CEP89: variants seen among roughly 807,000 people sequenced by gnomAD.
CEP89 encodes centrosomal protein of 89 kDa.
In CEP89, 95 loss-of-function variants were observed where a neutral mutation model predicts 97.6. The ratio of observed to expected loss-of-function variants is 0.97; its 90% CI spans 0.82 to 1.15. CEP89 has a LOEUF of 1.15. Among genes scored for constraint, CEP89 ranks in the 50% most tolerant of loss-of-function variants. The pLI is 0.00. For missense variants in CEP89, 869 were observed against 947.7 expected, an observed-to-expected ratio of 0.92 and a Z score of 1.09; for synonymous variants, 354 against 349.1, an observed-to-expected ratio of 1.01 and a Z score of -0.16.
intron 15 of CEP89, among the ~76,000 whole-genome samples, chr19:32,900,530 C>T (rs1474728895): frequency 2.0e-5 from 3 of 152,002 alleles, no homozygotes; most frequent in Non-Finnish European, 4.4e-5. Context: ...TTACAAAGTG[C>T]TGGGATTACA....
chr19:32,935,194 A>G (rs1370757814), intron 7 of CEP89, among the ~76,000 whole-genome samples: 1 of 152,182 alleles, frequency 6.6e-6, no homozygotes, highest in Non-Finnish European at 1.5e-5. Context: ...TGGGCCTCAC[A>G]TCCTGTCCAT....
chr19:32,957,377 G>A (rs1199108448), intron 3 of CEP89, among the ~76,000 whole-genome samples: 2 of 150,308 alleles, frequency 1.3e-5, no homozygotes, highest in African/African-American at 4.9e-5. Context: ...TTGAAATTGA[G>A]TGTATGTGCG....
chr19:32,888,851 C>G (rs1201373421), intron 16 of CEP89, among the ~76,000 whole-genome samples: 1 of 151,292 alleles, frequency 6.6e-6, no homozygotes, highest in African/African-American at 2.4e-5. Context: ...GCTCTGTCAC[C>G]CAGGCTGGAG....
At chr19:32,889,148 G>A (rs564577999) in intron 16 of CEP89, among the ~76,000 whole-genome samples, 2 of 152,250 alleles carry the variant, frequency 1.3e-5, no homozygotes, top group Non-Finnish European at 2.9e-5. Flanking sequence ...CCTAGGACAG[G>A]GCAGAGACTG....
chr19:32,902,727 G>A (rs971643430), intron 14 of CEP89, among the ~76,000 whole-genome samples: 5 of 152,164 alleles, frequency 3.3e-5, no homozygotes, highest in African/African-American at 1.2e-4. Flanking sequence ...TTCCAGGGCA[G>A]GGCAGAGGGC....
At chr19:32,930,806 C>T (rs1385392267) in intron 9 of CEP89, among the ~76,000 whole-genome samples, 1 of 152,192 alleles carries the variant, frequency 6.6e-6, no homozygotes, top group Non-Finnish European at 1.5e-5. Flanking sequence ...GAAGTTAATG[C>T]ACTGACAACA....
chr19:32,926,488 A>G (rs1480280928), intron 10 of CEP89, among the ~76,000 whole-genome samples: 9 of 152,152 alleles, frequency 5.9e-5, no homozygotes, highest in African/African-American at 2.2e-4. Context: ...GGCCACTTAA[A>G]TGAGGAACCC....
At chr19:32,926,108 A>T in intron 11 of CEP89, 82 bp downstream of exon 11, 8 of 974,250 alleles carry the variant, frequency 8.2e-6, no homozygotes, top group African/African-American at 1.6e-5. Flanking sequence ...GGGTATACCT[A>T]CATTCAAAAT....
At chr19:32,967,339 T>C (rs370715360) in intron 1 of CEP89, among the ~76,000 whole-genome samples, 2 of 152,178 alleles carry the variant, frequency 1.3e-5, no homozygotes, top group East Asian at 1.9e-4. Context: ...ATCATTTTCT[T>C]GGCACGAGCC....
intron 15 of CEP89, 149 bp from the exon 16 acceptor site, chr19:32,900,147 G>A: frequency 1.4e-6 from 1 of 713,078 alleles, no homozygotes; most frequent in Non-Finnish European, 2.3e-6. Flanking sequence ...GTTTCAAGGT[G>A]AGAAGAGGTA....
chr19:32,926,026 C>T (rs1204903380), intron 11 of CEP89, among the ~76,000 whole-genome samples, 164 bp downstream of exon 11: 1 of 152,022 alleles, frequency 6.6e-6, no homozygotes, highest in Admixed American at 6.6e-5. Flanking sequence ...CTTTCCCTGC[C>T]TCCCACCCTG....
At chr19:32,880,415 A>G (rs901042172) in intron 18 of CEP89, among the ~76,000 whole-genome samples, 2 of 152,170 alleles carry the variant, frequency 1.3e-5, no homozygotes, top group Admixed American at 1.3e-4. Flanking sequence ...GAACAACTTA[A>G]TTAAACTATG....
chr19:32,909,593 G>T (rs1326734782), intron 14 of CEP89, among the ~76,000 whole-genome samples: 1 of 152,142 alleles, frequency 6.6e-6, no homozygotes, highest in Non-Finnish European at 1.5e-5. Flanking sequence ...AGTTTTAAAA[G>T]AACAAAATGC....
In CEP89 at chr19:32,923,510, T is replaced by G. The variant is rs773692958; in HGVS notation, c.1197A>C (p.Gln399His). The stretch of plus-strand genomic sequence containing the variant: ...ATTCTTCATTTTCTTTCACCACTTC[T>G]TGGACTCGCATCCTAAACATTCTCA... Reference protein sequence around the residue: ...EEMRMFRMRVQEVVKENEELH... With the variant: ...EEMRMFRMRVHEVVKENEELH... The change falls in exon 12 of 19, where the codon CAA becomes CAC. Residue 399 changes from glutamine (Q) to histidine (H), a missense_variant. Gln to His is a conservative substitution (Grantham distance 24). Transcript: ENST00000305768. 29 of 1,609,278 alleles carry G rather than the reference T, an allele frequency of 1.8e-5. No homozygotes were observed. Among genetic ancestry groups the G allele is most frequent in the African/African-American group, 2.7e-5 (2 of 74,860 alleles).
intron 10 of CEP89, 24 bp from the exon 11 acceptor site, chr19:32,926,297 G>A (rs1568564035): frequency 2.6e-6 from 4 of 1,531,308 alleles, no homozygotes; most frequent in Non-Finnish European, 3.6e-6. Flanking sequence ...GTAAAGGAAG[G>A]TTAATATATT....
At chr19:32,928,095 T>C (rs1387087349) in intron 9 of CEP89, among the ~76,000 whole-genome samples, 2 of 151,692 alleles carry the variant, frequency 1.3e-5, no homozygotes, top group African/African-American at 4.8e-5. Context: ...TTTGTATTTT[T>C]AGTAGAGGCG....
chr19:32,915,168 C>G (rs1174007966), intron 14 of CEP89, among the ~76,000 whole-genome samples, 169 bp downstream of exon 14: 1 of 151,862 alleles, frequency 6.6e-6, no homozygotes, highest in East Asian at 1.9e-4. Context: ...CTCAAAAAGT[C>G]ATTAAATCAG....
At chr19:32,932,041 C>A (rs1169803583) in intron 8 of CEP89, among the ~76,000 whole-genome samples, 1 of 151,952 alleles carries the variant, frequency 6.6e-6, no homozygotes, top group Non-Finnish European at 1.5e-5. Context: ...ATTAGCCGGG[C>A]GTAATGGCGG....
intron 9 of CEP89, among the ~76,000 whole-genome samples, chr19:32,930,023 T>G (rs1053094125): frequency 4.3e-5 from 6 of 138,348 alleles, no homozygotes; most frequent in African/African-American, 1.8e-4. Flanking sequence ...TTTTTTTCCT[T>G]TTTTTTTTTT....
Sources: gnomAD v4.1 joint callset for allele counts (sites outside exome capture counted in the v4.1 genomes callset) on GRCh38, gnomAD v4.1.1 for gene constraint, MANE v1.5 for transcripts, NCBI Gene and HGNC (gene_info 2026-07-23, HGNC 2026-07-21) for gene names.